The following PRR19 variants were observed in gnomAD, a reference collection of about 807,000 sequenced individuals.
PRR19 encodes proline rich 19.
A neutral mutation model predicts 19.2 loss-of-function variants in PRR19; 9 were observed. The ratio of observed to expected loss-of-function variants is 0.47; its 90% CI spans 0.28 to 0.82. PRR19 has a LOEUF of 0.82. PRR19 is among the 40% of genes least tolerant of loss of function. The pLI, the probability that PRR19 is intolerant of heterozygous loss-of-function variation, is 0.11. For synonymous variants in PRR19, 190 were observed against 191.0 expected, an observed-to-expected ratio of 0.99 and a Z score of 0.04; for missense variants, 457 against 466.0, an observed-to-expected ratio of 0.98 and a Z score of 0.18.
intron 1 of PRR19, among the ~76,000 whole-genome samples, chr19:42,303,064 G>GGTGTGTGTGTGTGT (rs59660057): frequency 6.3e-4 from 85 of 134,032 alleles, no homozygotes; most frequent in East Asian, 1.3e-3. Flanking sequence ...AAACACCGTG[G>GGTGTGTGTGTGTGT]GTGTGTGTGT....
chr19:42,309,417 T>C, intron 1 of PRR19, 162 bp from the exon 2 acceptor site: 2 of 563,008 alleles, frequency 3.6e-6, no homozygotes, highest in Non-Finnish European at 6.2e-6. Context: ...CCATGTTGGC[T>C]AGGCTGGTCT....
chr19:42,309,323 C>T, intron 1 of PRR19: 1 of 283,792 alleles, frequency 3.5e-6, no homozygotes. Flanking sequence ...ATCTGCCTGC[C>T]TTGGCCTCCC....
At chr19:42,304,545 T>C (rs2038686997) in intron 1 of PRR19, among the ~76,000 whole-genome samples, 1 of 146,994 alleles carries the variant, frequency 6.8e-6, no homozygotes, top group African/African-American at 2.5e-5. Context: ...GAGGTCAGGA[T>C]CGAGACCATC....
At chr19:42,302,642 T>G in intron 1 of PRR19, 139 bp downstream of exon 1, 1 of 312,120 alleles carries the variant, frequency 3.2e-6, no homozygotes, top group Non-Finnish European at 6.0e-6. Flanking sequence ...ACCATCCAGC[T>G]CCCGAGGCGG....
At position 42,304,237 on chromosome 19, in the gene PRR19, C is replaced by T. The variant is rs943970947; in HGVS notation, c.-7+1734C>T. Among the ~76,000 whole-genome samples, 6 of 151,612 alleles carry T rather than the reference C, an allele frequency of 4.0e-5. 1 individual carries two copies. Among genetic ancestry groups the T allele is most frequent in the South Asian group, 4.2e-4 (2 of 4,804 alleles). ...CAGAGGTTGCAGTGAGCTGAGATCG[C>T]GCCACTGCAGCCCAGCCTGGGCAAC... On this transcript the variant is annotated intron_variant, in intron 1 of 2. Coordinates refer to ENST00000341747, the MANE Select transcript of PRR19 (RefSeq NM_199285.3).
At chr19:42,302,615 G>T (rs554696313) in intron 1 of PRR19, 112 bp downstream of exon 1, 3 of 383,542 alleles carry the variant, frequency 7.8e-6, no homozygotes, top group East Asian at 4.9e-5. Flanking sequence ...CACGGGGTGG[G>T]GGGAGGGAGA....
chr19:42,304,519 G>A (rs1308034252), intron 1 of PRR19, among the ~76,000 whole-genome samples: 1 of 151,342 alleles, frequency 6.6e-6, no homozygotes, highest in Non-Finnish European at 1.5e-5. Flanking sequence ...TTGGGAGGCC[G>A]AGGTGGGCAG....
rs2147405742 is a variant in PRR19 at position 42,310,773 on chromosome 19, T to C, written c.*33T>C. ...CTGAGGCTAGGGCTGGGGACAGATATCTTGTACTCCCAGTGACCTCAATAA... is the reference window on the plus strand; with the variant it reads ...CTGAGGCTAGGGCTGGGGACAGATACCTTGTACTCCCAGTGACCTCAATAA... On this transcript the variant is annotated 3_prime_UTR_variant, in exon 3 of 3. Coordinates refer to ENST00000341747, the MANE Select transcript of PRR19 (RefSeq NM_199285.3). 2 of 1,393,698 alleles carry C rather than the reference T, an allele frequency of 1.4e-6. No homozygotes were observed. The highest frequency in any genetic ancestry group is 2.0e-6 in the Non-Finnish European group (2 of 1,022,986). 86.3% of individuals were successfully genotyped at this position (1,393,698 alleles called of 1,614,324 possible).
Position 42,310,550 on chromosome 19 carries a change from C to A in PRR19, c.881C>A (p.Thr294Lys). Reference protein sequence around the residue: ...DLLKSIWLVATPPPPRPWGVG... With the variant: ...DLLKSIWLVAKPPPPRPWGVG... ...TTAAAAAGCATCTGGCTGGTAGCCA[C>A]GCCACCCCCTCCTCGGCCCTGGGGG... Residue 294 changes from threonine to lysine, a missense_variant, in exon 3 of 3, where the codon ACG (threonine) becomes AAG (lysine). Thr to Lys is a moderately conservative substitution (Grantham distance 78, BLOSUM62 -1). Transcript: ENST00000341747. 1 of 1,614,180 alleles carries A rather than the reference C, an allele frequency of 6.2e-7. No homozygotes were observed. Among genetic ancestry groups the A allele is most frequent in the African/African-American group, 1.3e-5 (1 of 75,048 alleles).
At chr19:42,302,546 A>G in intron 1 of PRR19, 43 bp downstream of exon 1, 1 of 482,136 alleles carries the variant, frequency 2.1e-6, no homozygotes, top group Non-Finnish European at 3.7e-6. Context: ...CGACGGCCGC[A>G]CAGTGGGCTC....
rs571564306 is a variant in PRR19, at chr19:42,302,460, A to T, written c.-50A>T. 589 of 658,432 alleles carry T rather than the reference A, an allele frequency of 8.9e-4. 3 individuals are homozygous for T. The African/African-American group carries it at 9.8e-3, about 11-fold the overall frequency. 40.8% of individuals were successfully genotyped at this position (658,432 alleles called of 1,614,324 possible). ...ACCCGCGGAGGACGAAGGCCGATACAGGGCGCCGCCTCCTCTCCAGGGACG... is the reference window on the plus strand; with the variant it reads ...ACCCGCGGAGGACGAAGGCCGATACTGGGCGCCGCCTCCTCTCCAGGGACG... On this transcript the variant is annotated 5_prime_UTR_variant, in exon 1 of 3. Coordinates refer to ENST00000341747, the MANE Select transcript of PRR19 (RefSeq NM_199285.3).
At position 42,309,986 on chromosome 19, in the gene PRR19, C is replaced by A. The variant is rs768534559; in HGVS notation, c.402C>A (p.Gly134=). 1 of 1,613,982 alleles carries A rather than the reference C, an allele frequency of 6.2e-7. No homozygotes were observed. Among genetic ancestry groups the A allele is most frequent in the South Asian group, 1.1e-5 (1 of 91,082 alleles). The change falls in exon 2 of 3, where the codon GGC becomes GGA. Residue 134 remains glycine, a synonymous_variant. Coordinates refer to ENST00000341747, the MANE Select transcript of PRR19 (RefSeq NM_199285.3). ...ENQVPGGSGP[G]PPSSPELSGV... is the part of the protein sequence containing the mutation. ...AGGTGCCTGGAGGTTCGGGCCCAGGCCCACCCAGTTCCCCAGAGTTGTCTG... is the reference window on the plus strand; with the variant it reads ...AGGTGCCTGGAGGTTCGGGCCCAGGACCACCCAGTTCCCCAGAGTTGTCTG...
chr19:42,309,740 A>G lies in PRR19; in HGVS notation c.156A>G (p.Pro52=), dbSNP rs757774296. 6 of 1,607,584 alleles carry G rather than the reference A, an allele frequency of 3.7e-6. No homozygotes were observed. The highest frequency in any genetic ancestry group is 1.7e-4 in the Middle Eastern group (1 of 6,050). ...HHDPPVAIRD[P]PVVPTASKLV... Reference sequence around the variant, plus strand: ...ATCCTCCTGTGGCCATTCGGGATCCACCTGTGGTCCCTACTGCCTCCAAGC... The same window carrying G: ...ATCCTCCTGTGGCCATTCGGGATCCGCCTGTGGTCCCTACTGCCTCCAAGC... Residue 52 remains proline (P), a synonymous_variant, in exon 2 of 3, where the codon CCA becomes CCG. Transcript: ENST00000341747.
Position 42,309,592 on chromosome 19 carries a change from C to T in PRR19, c.8C>T (p.Thr3Ile). MDTQGPVSQPFQQ... is the reference protein window; with the variant it reads MDIQGPVSQPFQQ... ...TTTATATTCCAGGACACCATGGATA[C>T]CCAGGGACCAGTCTCCCAGCCTTTT... Residue 3 changes from threonine (T) to isoleucine (I), a missense_variant, in exon 2 of 3, where the codon ACC (threonine) becomes ATC (isoleucine). Physicochemically the swap from Thr to Ile is moderately conservative, Grantham distance 89 (BLOSUM62 -1). Transcript: ENST00000341747. 1 of 1,524,690 alleles carries T rather than the reference C, an allele frequency of 6.6e-7. No individual in the cohort carries two copies. Among genetic ancestry groups the T allele is most frequent in the Admixed American group, 2.1e-5 (1 of 47,058 alleles). 94.4% of individuals were successfully genotyped at this position (1,524,690 alleles called of 1,614,324 possible). A position where few individuals can be genotyped will look rare whatever the true frequency, so the allele number is the denominator to read the frequency against.
At chr19:42,305,177 C>G (rs988895822) in intron 1 of PRR19, among the ~76,000 whole-genome samples, 2 of 151,412 alleles carry the variant, frequency 1.3e-5, no homozygotes, top group African/African-American at 4.9e-5. Flanking sequence ...CCACTGCACT[C>G]CAGCCTCAGT....
Position 42,309,696 on chromosome 19 carries a change from C to A in PRR19, c.112C>A (p.Arg38=). ...ERNKALVGSR[R]PLAHHDPPVA... ...TAACAAGGCCCTGGTGGGCAGCCGC[C>A]GGCCATTAGCCCACCACGATCCTCC... Residue 38 remains arginine, a synonymous_variant, in exon 2 of 3, where the codon CGG becomes AGG. Coordinates refer to ENST00000341747, the MANE Select transcript of PRR19 (RefSeq NM_199285.3). 1 of 1,603,868 alleles carries A rather than the reference C, an allele frequency of 6.2e-7. No homozygotes were observed. Among genetic ancestry groups the A allele is most frequent in the Non-Finnish European group, 8.5e-7 (1 of 1,172,536 alleles).
Position 42,302,412 on chromosome 19 carries a change from A to G in PRR19, c.-98A>G, listed in dbSNP as rs2038649862. The G allele has an allele frequency of 2.8e-6, 3 of 1,078,586 alleles. No homozygotes were observed. Among genetic ancestry groups the G allele is most frequent in the Non-Finnish European group, 4.0e-6 (3 of 754,098 alleles). The allele number at this position is 1,078,586 out of a possible 1,614,324, so 66.8% of individuals were successfully genotyped here. ...CCCACTCCTACCCCTCGCGGCAACA[A>G]AGGACCGTCCCAACGCTAGCACACC... is the stretch of plus-strand genomic sequence containing the variant. On this transcript the variant is annotated 5_prime_UTR_variant, in exon 1 of 3. Transcript: ENST00000341747.
intron 1 of PRR19, among the ~76,000 whole-genome samples, chr19:42,305,543 G>A (rs1247455762): frequency 2.6e-5 from 4 of 152,136 alleles, no homozygotes; most frequent in Non-Finnish European, 5.9e-5. Flanking sequence ...CTCCCAAAGT[G>A]CTGGGATTAC....
intron 1 of PRR19, among the ~76,000 whole-genome samples, chr19:42,303,064 G>GGTGTGTGTGTGTGTGTGTGT (rs59660057): frequency 7.5e-6 from 1 of 134,036 alleles, no homozygotes; most frequent in Non-Finnish European, 1.6e-5. Context: ...AAACACCGTG[G>GGTGTGTGTGTGTGTGTGTGT]GTGTGTGTGT....
Sources: gnomAD v4.1 joint callset for allele counts (sites outside exome capture counted in the v4.1 genomes callset) on GRCh38, gnomAD v4.1.1 for gene constraint, MANE v1.5 for transcripts, NCBI Gene and HGNC (gene_info 2026-07-23, HGNC 2026-07-21) for gene names.